The following PNPLA6 variants were observed in gnomAD, a reference collection of about 807,000 sequenced individuals.
PNPLA6 encodes the protein patatin-like phospholipase domain-containing protein 6.
In PNPLA6, 105 loss-of-function variants were observed where a neutral mutation model predicts 153.7. The ratio of observed to expected loss-of-function variants is 0.68; its 90% CI spans 0.58 to 0.80. The LOEUF (loss-of-function observed/expected upper bound fraction) is 0.80. PNPLA6 is among the 30% of genes least tolerant of loss of function. The pLI is 0.00. For missense variants in PNPLA6, 1,423 were observed against 1,919.3 expected (o/e 0.74, Z 4.83); for synonymous variants, 825 against 822.2 (o/e 1.00, Z -0.06).
intron 28 of PNPLA6, among the ~76,000 whole-genome samples, chr19:7,559,887 C>T (rs2024030574): frequency 6.9e-6 from 1 of 144,254 alleles, no homozygotes; most frequent in Non-Finnish European, 1.5e-5. Context: ...TGCATTTAAT[C>T]CCAGCATTTT....
intron 19 of PNPLA6, 95 bp downstream of exon 19, chr19:7,554,110 A>AACAGGGCC (rs2023766753): frequency 6.3e-7 from 1 of 1,583,432 alleles, no homozygotes; most frequent in South Asian, 1.1e-5. Context: ...GGTGGAGGGG[A>AACAGGGCC]ACAGGGCCAC....
In PNPLA6 at chr19:7,553,862, G is replaced by A. The variant is rs2023756155; in HGVS notation, c.2261-13G>A. The A allele has an allele frequency of 1.2e-6, 2 of 1,614,114 alleles. No homozygotes were observed. Among genetic ancestry groups the A allele is most frequent in the Non-Finnish European group, 1.7e-6 (2 of 1,180,050 alleles). On this transcript the variant is annotated splice_polypyrimidine_tract_variant and intron_variant, in intron 18 of 31. Transcript: ENST00000600737. ...GTTCGCACCACAAATCTCATCCATTGGGTTCTTAGCAGGCTCTGGGTTGGG... is the reference window on the plus strand; with the variant it reads ...GTTCGCACCACAAATCTCATCCATTAGGTTCTTAGCAGGCTCTGGGTTGGG...
chr19:7,559,272 C>A (rs1907685605), intron 28 of PNPLA6, 121 bp downstream of exon 28: 1 of 841,624 alleles, frequency 1.2e-6, no homozygotes, highest in African/African-American at 1.7e-5. Flanking sequence ...CATCTGGAAT[C>A]TCTGGAAAAC....
chr19:7,547,174 G>T (rs601066), intron 13 of PNPLA6, among the ~76,000 whole-genome samples: 2 of 151,832 alleles, frequency 1.3e-5, no homozygotes, highest in Non-Finnish European at 2.9e-5. Flanking sequence ...CAAAGTGCTG[G>T]GATTACAGAT....
chr19:7,548,416 A>G (rs1370699506), intron 13 of PNPLA6, among the ~76,000 whole-genome samples: 2 of 152,056 alleles, frequency 1.3e-5, no homozygotes, highest in South Asian at 4.1e-4. Flanking sequence ...AAAAAAAAAA[A>G]AAAAATCTCA....
chr19:7,550,044 T>C lies in PNPLA6; in HGVS notation c.1746T>C (p.Pro582=). ...VGQLAVLTGE[P]LIFTLRAQRD... ...AGCTGGCGGTGCTCACTGGCGAACC[T>C]CTCATCTTCACACTGCGAGCCCAAC... Residue 582 remains proline, a synonymous_variant, in exon 14 of 32, where the codon CCT becomes CCC. Transcript: ENST00000600737. 6.2e-7 allele frequency: 1 copy of C among 1,613,930 alleles called. No individual in the cohort carries two copies. Among genetic ancestry groups the C allele is most frequent in the Non-Finnish European group, 8.5e-7 (1 of 1,179,978 alleles).
Position 7,555,519 on chromosome 19 carries a change from TAGC to T in PNPLA6, c.2937-85_2937-83del. The T allele has an allele frequency of 6.7e-7, 1 of 1,489,376 alleles. No homozygotes were observed. Among genetic ancestry groups the T allele is most frequent in the Non-Finnish European group, 9.2e-7 (1 of 1,091,194 alleles). 92.3% of individuals were successfully genotyped at this position (1,489,376 alleles called of 1,614,324 possible). ...GGGTAGGGGCGGGTCCTTTGTTCCT[TAGC>T]AGTGCGGGAGGTGGGAGGAGGTAGG... On this transcript the variant is annotated intron_variant, in intron 23 of 31. Transcript: ENST00000600737. This position sits in a 1 kb window ranked among gnomAD's most constrained non-coding sequence, Gnocchi z 6.3.
intron 18 of PNPLA6, among the ~76,000 whole-genome samples, chr19:7,551,785 A>G (rs985045943): frequency 4.6e-5 from 7 of 151,986 alleles, no homozygotes; most frequent in African/African-American, 1.7e-4. Context: ...GGACGTTGAG[A>G]GAAAGGGAGT....
chr19:7,548,439 A>C (rs908914515), intron 13 of PNPLA6, among the ~76,000 whole-genome samples: 9 of 151,994 alleles, frequency 5.9e-5, no homozygotes, highest in African/African-American at 2.2e-4. Context: ...ATGTTTTAAC[A>C]AAGTTTATGA....
At chr19:7,560,984 C>CA (rs761838199) in intron 29 of PNPLA6, 30 bp from the exon 30 acceptor site, 31 of 1,502,606 alleles carry the variant, frequency 2.1e-5, no homozygotes, top group Non-Finnish European at 2.8e-5. Flanking sequence ...GTGGGCCCCC[C>CA]CTAAGAGCCT....
chr19:7,535,705 G>A, upstream of PNPLA6: 2 of 1,523,514 alleles, frequency 1.3e-6, no homozygotes, highest in African/African-American at 2.7e-5. This position sits in a 1 kb window ranked among gnomAD's most constrained non-coding sequence, Gnocchi z 5.0. Context: ...GCGGAACTAC[G>A]TTTCCCGGCA....
intron 28 of PNPLA6, among the ~76,000 whole-genome samples, 172 bp downstream of exon 28, chr19:7,559,323 A>G (rs772596000): frequency 2.0e-5 from 3 of 152,146 alleles, no homozygotes; most frequent in African/African-American, 4.8e-5. Context: ...GGGATGTAGT[A>G]GGGGTGTGGC....
chr19:7,545,080 G>A (rs1173945269), intron 13 of PNPLA6, among the ~76,000 whole-genome samples: 6 of 151,722 alleles, frequency 4.0e-5, no homozygotes, highest in East Asian at 3.9e-4. Context: ...AGGCTGGAGC[G>A]CAGCGGTGCG....
intron 27 of PNPLA6, among the ~76,000 whole-genome samples, chr19:7,558,320 CTGTT>C (rs1426317345): frequency 2.0e-5 from 3 of 152,192 alleles, no homozygotes; most frequent in Admixed American, 2.0e-4. Context: ...GTCCTGCCCT[CTGTT>C]TGATTGTATA....
At chr19:7,551,747 C>T (rs996524484) in intron 18 of PNPLA6, among the ~76,000 whole-genome samples, 1 of 152,062 alleles carries the variant, frequency 6.6e-6, no homozygotes, top group Non-Finnish European at 1.5e-5. Context: ...GCCCGGGAGT[C>T]AGGGCTTGCT....
chr19:7,541,281 C>A lies in PNPLA6; in HGVS notation c.925-73C>A. The A allele has an allele frequency of 7.3e-7, 1 of 1,376,736 alleles. No homozygotes were observed. Among genetic ancestry groups the A allele is most frequent in the African/African-American group, 1.4e-5 (1 of 70,190 alleles). The allele number at this position is 1,376,736 out of a possible 1,614,324, so 85.3% of individuals were successfully genotyped here. On this transcript the variant is annotated intron_variant, in intron 7 of 31. Transcript: ENST00000600737. This position sits in a 1 kb window ranked among gnomAD's most constrained non-coding sequence, Gnocchi z 5.2. ...CCCGCCCGACCCCTTATGCTGCGAA[C>A]TAGCCCGGCCCACCATCTGGCCCTG...
intron 3 of PNPLA6, among the ~76,000 whole-genome samples, chr19:7,539,584 C>A (rs1338558133): frequency 1.3e-5 from 2 of 151,134 alleles, no homozygotes; most frequent in African/African-American, 4.9e-5. Context: ...ATGGAGAAAC[C>A]CCATCTCTAC....
At chr19:7,545,417 C>T (rs1049782766) in intron 13 of PNPLA6, among the ~76,000 whole-genome samples, 3 of 152,126 alleles carry the variant, frequency 2.0e-5, no homozygotes, top group Non-Finnish European at 4.4e-5. Context: ...AGTGTTTTGG[C>T]AGGTGGAGCT....
Position 7,551,254 on chromosome 19 carries a change from T to TGGGACCCAGGTAACG in PNPLA6, c.2185-105_2185-91dup, listed in dbSNP as rs1323797049. The TGGGACCCAGGTAACG allele has an allele frequency of 1.6e-4, 160 of 1,031,546 alleles. No homozygotes were observed. The East Asian group carries it at 4.0e-3, about 26-fold the overall frequency. 63.9% of individuals were successfully genotyped at this position (1,031,546 alleles called of 1,614,324 possible). A position where few individuals can be genotyped will look rare whatever the true frequency, so the allele number is the denominator to read the frequency against. On this transcript the variant is annotated intron_variant, in intron 17 of 31. Transcript: ENST00000600737. Reference sequence around the variant, plus strand: ...GAGTGAGGGCGGGGGCTCTCGGGGGTGGGACCCAGGTAACGGGCACCCAGG... The same window carrying TGGGACCCAGGTAACG: ...GAGTGAGGGCGGGGGCTCTCGGGGGTGGGACCCAGGTAACGGGGACCCAGGTAACGGGCACCCAGG...
Sources: allele counts gnomAD v4.1 joint callset (sites outside exome capture counted in the v4.1 genomes callset), GRCh38; gene constraint gnomAD v4.1.1; non-coding constraint Gnocchi (gnomAD v3.1); transcripts MANE v1.5; gene names NCBI Gene and HGNC (gene_info 2026-07-23, HGNC 2026-07-21).